The following EEF1AKMT3 variants were observed in gnomAD, a reference collection of about 807,000 sequenced individuals.
EEF1AKMT3 encodes EEF1A lysine methyltransferase 3.
EEF1AKMT3 carries 17 observed loss-of-function variants against 17.8 expected under a neutral mutation model. The observed-to-expected ratio is 0.96, with a 90% CI of 0.65 to 1.43. The LOEUF is 1.43. Among genes scored for constraint, EEF1AKMT3 ranks in the 40% most tolerant of loss-of-function variants. The pLI is 0.00. For synonymous variants in EEF1AKMT3, 116 were observed against 126.5 expected, an observed-to-expected ratio of 0.92 and a Z score of 0.56; for missense variants, 244 against 285.8, an observed-to-expected ratio of 0.85 and a Z score of 1.06.
At chr12:57,774,576 A>G in intron 2 of EEF1AKMT3, 1 of 809,192 alleles carries the variant, frequency 1.2e-6, no homozygotes, top group Non-Finnish European at 2.1e-6. Context: ...ACCAAGAATC[A>G]TGCTAGGTAT....
chr12:57,780,320 A>C lies in EEF1AKMT3; in HGVS notation c.355A>C (p.Asn119His). ...ACAGATCCAGGGCAACGTCCAGGCC[A>C]ATGTGCCAGCTGGAGGCCAGGCCCA... Reference protein sequence around the residue: ...LEQIQGNVQANVPAGGQAQVR... With the variant: ...LEQIQGNVQAHVPAGGQAQVR... Residue 119 changes from asparagine to histidine, a missense_variant, in exon 3 of 3, where the codon AAT (asparagine) becomes CAT (histidine). By Grantham distance (68) the Asn-to-His change is moderately conservative. Transcript: ENST00000300209. 1.2e-6 allele frequency: 2 copies of C among 1,614,150 alleles called. No homozygotes were observed. The highest frequency in any genetic ancestry group is 1.7e-6 in the Non-Finnish European group (2 of 1,180,016).
chr12:57,777,640 T>C lies in EEF1AKMT3; in HGVS notation c.290-2615T>C, dbSNP rs148557538. On this transcript the variant is annotated intron_variant, in intron 2 of 2. Coordinates refer to ENST00000300209, the MANE Select transcript of EEF1AKMT3 (RefSeq NM_015433.3). Reference sequence around the variant, plus strand: ...TCATCTTCACAACTGAAAATGTGAGTGCCCCAGGGCTCAGGGGCAGTCCTT... The same window carrying C: ...TCATCTTCACAACTGAAAATGTGAGCGCCCCAGGGCTCAGGGGCAGTCCTT... 4.8e-3 allele frequency among the ~76,000 whole-genome samples: 727 copies of C among 152,320 alleles called. 4 individuals are homozygous for C. The highest frequency in any genetic ancestry group is 7.3e-3 in the Non-Finnish European group (495 of 68,030).
rs111543072 is a variant in EEF1AKMT3, at chr12:57,781,168, TC to T, written c.*524del. The T allele has an allele frequency of 0.028, 4,345 of 155,096 alleles. 219 individuals carry two copies. The highest frequency in any genetic ancestry group is 0.1 in the African/African-American group (4,163 of 41,474). The allele number at this position is 155,096 out of a possible 1,614,324, so 9.6% of individuals were successfully genotyped here. On this transcript the variant is annotated 3_prime_UTR_variant, in exon 3 of 3. Transcript: ENST00000300209. ...CAACCTCTGAAGGCCCAGATGATCT[TC>T]CTGCCTCAGCTCCCCAAGTAGCTGG...
chr12:57,776,786 G>T (rs1955482875), intron 2 of EEF1AKMT3, among the ~76,000 whole-genome samples: 1 of 152,118 alleles, frequency 6.6e-6, no homozygotes, highest in African/African-American at 2.4e-5. Context: ...AAGTAGCTGG[G>T]ATTACAGGCA....
chr12:57,773,678 G>T (rs1317942071), intron 2 of EEF1AKMT3, among the ~76,000 whole-genome samples: 1 of 152,086 alleles, frequency 6.6e-6, no homozygotes, highest in Non-Finnish European at 1.5e-5. Context: ...CATCTGCCTC[G>T]CGAGGCGCCT....
Position 57,773,058 on chromosome 12 carries a change from T to C in EEF1AKMT3, c.219T>C (p.Asp73=). 13 of 1,614,170 alleles carry C rather than the reference T, an allele frequency of 8.1e-6. No homozygotes were observed. The highest frequency in any genetic ancestry group is 1.1e-5 in the Non-Finnish European group (13 of 1,180,028). ...LCNYFESQNV[D]FRGKKVIELG... Reference sequence around the variant, plus strand: ...ATTATTTCGAGAGTCAAAATGTGGATTTCCGAGGCAAGAAGGTGATCGAAC... The same window carrying C: ...ATTATTTCGAGAGTCAAAATGTGGACTTCCGAGGCAAGAAGGTGATCGAAC... The change falls in exon 2 of 3, where the codon GAT becomes GAC. Residue 73 remains aspartate (D), a synonymous_variant. Transcript: ENST00000300209.
intron 2 of EEF1AKMT3, among the ~76,000 whole-genome samples, chr12:57,778,945 C>A (rs912585052): frequency 6.6e-6 from 1 of 152,040 alleles, no homozygotes; most frequent in South Asian, 2.1e-4. Flanking sequence ...TTGCAACCTT[C>A]GCCTCCCAGG....
chr12:57,777,770 A>C (rs1955488906), intron 2 of EEF1AKMT3, among the ~76,000 whole-genome samples: 1 of 152,152 alleles, frequency 6.6e-6, no homozygotes, highest in African/African-American at 2.4e-5. Flanking sequence ...CTGTAATCCG[A>C]GCACTTTGGG....
At chr12:57,778,733 C>A (rs994085149) in intron 2 of EEF1AKMT3, among the ~76,000 whole-genome samples, 4 of 152,156 alleles carry the variant, frequency 2.6e-5, no homozygotes, top group African/African-American at 9.7e-5. Flanking sequence ...CTGGTTTAAA[C>A]CATCATCATC....
Position 57,772,685 on chromosome 12 carries a change from G to T in EEF1AKMT3, c.-40G>T, listed in dbSNP as rs368620393. 1 of 1,578,328 alleles carries T rather than the reference G, an allele frequency of 6.3e-7. No homozygotes were observed. Among genetic ancestry groups the T allele is most frequent in the Admixed American group, 1.8e-5 (1 of 56,100 alleles). On this transcript the variant is annotated 5_prime_UTR_variant, in exon 1 of 3. Transcript: ENST00000300209. The surrounding 1 kb of genome is among the most constrained non-coding windows in gnomAD (Gnocchi z 4.1). ...ACCCCGCTCCGGATCCGGGATCTGA[G>T]CGCCGGCCGCGGTGCCCAGGCACTC...
At position 57,780,860 on chromosome 12, in the gene EEF1AKMT3, T is replaced by A; in HGVS notation, c.*214T>A. The A allele has an allele frequency of 3.2e-6, 2 of 622,954 alleles. No individual in the cohort carries two copies. The highest frequency in any genetic ancestry group is 2.0e-5 in the South Asian group (1 of 48,824). 38.6% of individuals were successfully genotyped at this position (622,954 alleles called of 1,614,324 possible). ...AGGAATCCCAGAGTTCTGGCAGCAC[T>A]AGTGTTAGAACACCAAGGAGGTTCC... On this transcript the variant is annotated 3_prime_UTR_variant, in exon 3 of 3. Transcript: ENST00000300209.
rs146972427 is a variant in EEF1AKMT3, at chr12:57,779,489, A to G, written c.290-766A>G. On this transcript the variant is annotated intron_variant, in intron 2 of 2. Coordinates refer to ENST00000300209, the MANE Select transcript of EEF1AKMT3 (RefSeq NM_015433.3). Reference sequence around the variant, plus strand: ...CCTAGTACTTCTTGCTTCTCTTTCTATCATAGTCATCATGATTATGATGCA... The same window carrying G: ...CCTAGTACTTCTTGCTTCTCTTTCTGTCATAGTCATCATGATTATGATGCA... Among the ~76,000 whole-genome samples the G allele has an allele frequency of 3.8e-3, 576 of 152,144 alleles. 7 individuals carry two copies. Among genetic ancestry groups the G allele is most frequent in the Middle Eastern group, 0.031 (9 of 294 alleles).
At chr12:57,778,258 G>A (rs1274456589) in intron 2 of EEF1AKMT3, among the ~76,000 whole-genome samples, 1 of 120,034 alleles carries the variant, frequency 8.3e-6, no homozygotes, top group African/African-American at 3.2e-5. Context: ...TGGTCTTCTA[G>A]TTGGTCAGGC....
intron 2 of EEF1AKMT3, among the ~76,000 whole-genome samples, chr12:57,775,129 A>G (rs933322821): frequency 2.0e-5 from 3 of 150,940 alleles, no homozygotes; most frequent in Non-Finnish European, 1.5e-5. Flanking sequence ...AAAAAAAAAA[A>G]AAAGAAACAG....
rs764754396 is a variant in EEF1AKMT3 at position 57,772,995 on chromosome 12, TTC to T, written c.178-18_178-17del. The T allele has an allele frequency of 1.4e-5, 23 of 1,614,012 alleles. No individual in the cohort carries two copies. The highest frequency in any genetic ancestry group is 8.3e-5 in the Admixed American group (5 of 60,006). ...TGGAGCCATCCTCACGACTGTCTTT[TTC>T]TCTGTCTTTTCTCCCGTAGGCCCTG... On this transcript the variant is annotated intron_variant, in intron 1 of 2. Coordinates refer to ENST00000300209, the MANE Select transcript of EEF1AKMT3 (RefSeq NM_015433.3). This position sits in a 1 kb window ranked among gnomAD's most constrained non-coding sequence, Gnocchi z 4.1.
chr12:57,772,712 C>G lies in EEF1AKMT3; in HGVS notation c.-13C>G, dbSNP rs745771298. 4 of 1,610,042 alleles carry G rather than the reference C, an allele frequency of 2.5e-6. No individual in the cohort carries two copies. The highest frequency in any genetic ancestry group is 1.1e-5 in the South Asian group (1 of 90,516). On this transcript the variant is annotated 5_prime_UTR_variant, in exon 1 of 3. Coordinates refer to ENST00000300209, the MANE Select transcript of EEF1AKMT3 (RefSeq NM_015433.3). The surrounding 1 kb of genome is among the most constrained non-coding windows in gnomAD (Gnocchi z 4.1). ...GCCGGCCGCGGTGCCCAGGCACTCC[C>G]TTGGCGGGCCGGATGGCGGACCCCG... is the stretch of plus-strand genomic sequence containing the variant.
rs1185054453 is a variant in EEF1AKMT3 at position 57,782,328 on chromosome 12, A to G, written c.*1682A>G. 1.2e-5 allele frequency: 2 copies of G among 161,176 alleles called. No individual in the cohort carries two copies. Among genetic ancestry groups the G allele is most frequent in the African/African-American group, 4.8e-5 (2 of 41,550 alleles). 10.0% of individuals were successfully genotyped at this position (161,176 alleles called of 1,614,324 possible). A position where few individuals can be genotyped will look rare whatever the true frequency, so the allele number is the denominator to read the frequency against. ...ACTCCTGTCTAAACCCCTGAAGCCTAACACAGTTCCTGGCACACAACAGGT... is the reference window on the plus strand; with the variant it reads ...ACTCCTGTCTAAACCCCTGAAGCCTGACACAGTTCCTGGCACACAACAGGT... On this transcript the variant is annotated 3_prime_UTR_variant, in exon 3 of 3. Coordinates refer to ENST00000300209, the MANE Select transcript of EEF1AKMT3 (RefSeq NM_015433.3).
intron 2 of EEF1AKMT3, among the ~76,000 whole-genome samples, chr12:57,778,155 A>T (rs1955491406): frequency 6.6e-6 from 1 of 152,032 alleles, no homozygotes; most frequent in Admixed American, 6.6e-5. Flanking sequence ...ATAGAAGTCC[A>T]TGTCAAACTT....
chr12:57,777,968 G>A (rs991718233), intron 2 of EEF1AKMT3, among the ~76,000 whole-genome samples: 1 of 148,436 alleles, frequency 6.7e-6, no homozygotes, highest in South Asian at 2.1e-4. Flanking sequence ...GCAATGAGCC[G>A]AGATCATGCC....
Sources: gnomAD v4.1 joint callset for allele counts (sites outside exome capture counted in the v4.1 genomes callset) on GRCh38, gnomAD v4.1.1 for gene constraint, Gnocchi (gnomAD v3.1) non-coding constraint, MANE v1.5 for transcripts, NCBI Gene and HGNC (gene_info 2026-07-23, HGNC 2026-07-21) for gene names.